Variants in WASHC5 observed in about 807,000 individuals in gnomAD.
WASHC5 encodes WASH complex subunit strumpellin.
WASHC5 carries 101 observed loss-of-function variants against 150.4 expected under a neutral mutation model. The ratio of observed to expected loss-of-function variants is 0.67; its 90% CI spans 0.57 to 0.79. The LOEUF (loss-of-function observed/expected upper bound fraction) is 0.79, where lower values mean the gene tolerates loss of function less well. Among genes scored for constraint, WASHC5 ranks in the 30% least tolerant of loss-of-function variants. The pLI is 0.00. For synonymous variants in WASHC5, 467 were observed against 491.2 expected (o/e 0.95, Z 0.65); for missense variants, 1,195 against 1,396.3 (o/e 0.86, Z 2.30).
chr8:125,063,080 C>T (rs1439109285), intron 11 of WASHC5, among the ~76,000 whole-genome samples: 2 of 152,070 alleles, frequency 1.3e-5, no homozygotes, highest in African/African-American at 2.4e-5. Context: ...TAGATATCAT[C>T]TATGCTGGTA....
At chr8:125,055,538 C>T (rs1187249233) in intron 17 of WASHC5, 53 bp downstream of exon 17, 1 of 1,061,192 alleles carries the variant, frequency 9.4e-7, no homozygotes, top group Admixed American at 1.7e-5. Context: ...CCACAAAAAC[C>T]CAAACAGCTA....
rs534575604 is a variant in WASHC5, at chr8:125,078,825, G to A, written c.624C>T (p.Pro208=). Residue 208 remains proline (P), a synonymous_variant, in exon 6 of 29, where the codon CCC becomes CCT. Transcript: ENST00000318410. The part of the protein sequence containing the change: ...QPGAKRPSNY[P]ESYFQRVPIN... ...TAGGCACTCTCTGGAAATAGCTCTC[G>A]GGATAGTTGGATGGTCTTTTGGCAC... is the stretch of plus-strand genomic sequence containing the variant. The A allele has an allele frequency of 6.2e-6, 10 of 1,613,678 alleles. No homozygotes were observed. Among genetic ancestry groups the A allele is most frequent in the African/African-American group, 4.0e-5 (3 of 74,864 alleles).
intron 5 of WASHC5, among the ~76,000 whole-genome samples, chr8:125,080,621 T>C (rs1017260236): frequency 1.3e-5 from 2 of 152,246 alleles, no homozygotes; most frequent in Non-Finnish European, 2.9e-5. Flanking sequence ...CTCCTCCTTC[T>C]TGACAGTTTC....
At chr8:125,038,056 G>A (rs933411590) in intron 25 of WASHC5, among the ~76,000 whole-genome samples, 1 of 152,094 alleles carries the variant, frequency 6.6e-6, no homozygotes, top group Non-Finnish European at 1.5e-5. Context: ...TATTTCATAG[G>A]GCTTGTTGTG....
At chr8:125,089,736 A>C (rs1259787877) in intron 1 of WASHC5, among the ~76,000 whole-genome samples, 1 of 152,250 alleles carries the variant, frequency 6.6e-6, no homozygotes, top group Non-Finnish European at 1.5e-5. Flanking sequence ...TGGGATAACG[A>C]CAGAGATCAA....
At chr8:125,075,768 A>C (rs1374517994) in intron 7 of WASHC5, among the ~76,000 whole-genome samples, 1 of 152,228 alleles carries the variant, frequency 6.6e-6, no homozygotes, top group South Asian at 2.1e-4. Context: ...CTACATGCGA[A>C]TATAATCCAA....
chr8:125,046,332 G>C (rs551898011), intron 20 of WASHC5, among the ~76,000 whole-genome samples: 1 of 152,214 alleles, frequency 6.6e-6, no homozygotes, highest in Non-Finnish European at 1.5e-5. Context: ...GGACTTACTA[G>C]AGGCAGCATG....
intron 28 of WASHC5, among the ~76,000 whole-genome samples, 176 bp downstream of exon 28, chr8:125,028,444 A>T (rs1815433044): frequency 6.6e-6 from 1 of 152,184 alleles, no homozygotes; most frequent in Non-Finnish European, 1.5e-5. Flanking sequence ...CTGCAAGGCA[A>T]TTCCCATGGT....
Position 125,078,912 on chromosome 8 carries a change from A to G in WASHC5, c.537T>C (p.Ala179=). ...TACAAATATCGTCCATATTTGAATC[A>G]GCAGAAGATCGAGCAGCACTGAGTC... The part of the protein sequence containing the change: ...YYRYSAARSS[A]DSNMDDICKL... Residue 179 remains alanine, a synonymous_variant, in exon 6 of 29, where the codon GCT becomes GCC. Transcript: ENST00000318410. 6.2e-7 allele frequency: 1 copy of G among 1,613,882 alleles called. No individual in the cohort carries two copies.
intron 19 of WASHC5, 40 bp downstream of exon 19, chr8:125,048,966 A>G (rs370788051): frequency 6.6e-6 from 10 of 1,514,054 alleles, no homozygotes; most frequent in African/African-American, 5.6e-5. Context: ...AACATGAGAA[A>G]TAACAAATAT....
rs759126854 is a variant in WASHC5 at position 125,056,722 on chromosome 8, GT to G, written c.1970del (p.Asp657AlafsTer5). The part of the protein sequence containing the change: ...HDIIEVPTRL[D>X]KDKLRDYAQL... ...GAGCATAGTCCCTCAGCTTGTCTTT[GT>G]CCAGGCGGGTAGGCACTTCAATAAT... On this transcript the variant is annotated frameshift_variant, in exon 16 of 29. Transcript: ENST00000318410. LOFTEE classifies it high-confidence loss of function. 1 of 1,614,154 alleles carries G rather than the reference GT, an allele frequency of 6.2e-7. No homozygotes were observed. Among genetic ancestry groups the G allele is most frequent in the South Asian group, 1.1e-5 (1 of 91,086 alleles).
intron 19 of WASHC5, 64 bp from the exon 20 acceptor site, chr8:125,047,395 C>CA: frequency 6.6e-7 from 1 of 1,506,266 alleles, no homozygotes; most frequent in Non-Finnish European, 9.2e-7. Flanking sequence ...ATCCCTTTTC[C>CA]ATATAATTTT....
At chr8:125,060,646 A>G (rs778156474) in intron 12 of WASHC5, among the ~76,000 whole-genome samples, 7 of 152,274 alleles carry the variant, frequency 4.6e-5, no homozygotes, top group Non-Finnish European at 1.0e-4. Context: ...TTTTTTCAGA[A>G]AAGAAAATAT....
rs919904348 is a variant in WASHC5, at chr8:125,073,082, C to T, written c.1150+71G>A. 28 of 1,501,206 alleles carry T rather than the reference C, an allele frequency of 1.9e-5. No homozygotes were observed. In the East Asian group the frequency reaches 2.3e-4, roughly 12 times the overall value. The allele number at this position is 1,501,206 out of a possible 1,614,324, so 93.0% of individuals were successfully genotyped here. ...CTCTCCCTGCTAAACCACTCTGCAT[C>T]GTGAAGTAGGTCCTGATTCTGAGAG... On this transcript the variant is annotated intron_variant, in intron 9 of 28. Transcript: ENST00000318410.
At chr8:125,057,241 A>G (rs1435377952) in intron 15 of WASHC5, among the ~76,000 whole-genome samples, 1 of 152,184 alleles carries the variant, frequency 6.6e-6, no homozygotes, top group African/African-American at 2.4e-5. Context: ...CTGGATCTAG[A>G]TCAGGCTCTT....
intron 3 of WASHC5, chr8:125,082,854 A>G (rs1817309022): frequency 2.5e-6 from 1 of 395,378 alleles, no homozygotes; most frequent in East Asian, 4.7e-5. Context: ...CTAGGATATG[A>G]TAATAAATAA....
chr8:125,087,094 G>A (rs1817441722), intron 1 of WASHC5, among the ~76,000 whole-genome samples: 2 of 152,144 alleles, frequency 1.3e-5, no homozygotes, highest in South Asian at 4.2e-4. Context: ...ATAAGTCTTG[G>A]GGTAGTTTGC....
intron 26 of WASHC5, among the ~76,000 whole-genome samples, chr8:125,035,589 T>C (rs1269192304): frequency 6.6e-6 from 1 of 152,222 alleles, no homozygotes; most frequent in African/African-American, 2.4e-5. Flanking sequence ...TTGCGGTGAC[T>C]TGGCCAAAGT....
intron 6 of WASHC5, among the ~76,000 whole-genome samples, chr8:125,077,964 A>C: frequency 6.6e-6 from 1 of 152,166 alleles, no homozygotes; most frequent in East Asian, 1.9e-4. Context: ...TTCACACAAA[A>C]AACTAACAAG....
Sources: gnomAD v4.1 joint callset for allele counts (sites outside exome capture counted in the v4.1 genomes callset) on GRCh38, gnomAD v4.1.1 for gene constraint, MANE v1.5 for transcripts, NCBI Gene and HGNC (gene_info 2026-07-23, HGNC 2026-07-21) for gene names.